BMAL1: variants seen among roughly 807,000 people sequenced by gnomAD.
The protein encoded by BMAL1 is basic helix-loop-helix ARNT like 1, also known as basic helix-loop-helix ARNT-like protein 1.
At chr11:13,304,537 C>CTGT in the BMAL1 span, among the ~76,000 whole-genome samples, 1 of 152,182 alleles carries the variant, frequency 6.6e-6, no homozygotes, top group Non-Finnish European at 1.5e-5. Context: ...ATACTTTTTT[C>CTGT]AGCACAGATG....
chr11:13,386,894 A>G, the BMAL1 span: 1 of 972,952 alleles, frequency 1.0e-6, no homozygotes, highest in Non-Finnish European at 1.4e-6. Flanking sequence ...AGAGCCATTG[A>G]TACAAGTCAA....
At chr11:13,358,426 T>C in the BMAL1 span, 90,658 of 1,542,422 alleles carry the variant, frequency 0.059, 3,141 homozygotes, top group East Asian at 0.14. Context: ...TTTCATATTG[T>C]TGTTCAGGGA....
the BMAL1 span, among the ~76,000 whole-genome samples, chr11:13,350,348 T>G: frequency 6.6e-6 from 1 of 152,204 alleles, no homozygotes; most frequent in African/African-American, 2.4e-5. Context: ...CTGTAAATGT[T>G]AATGACAAAA....
the BMAL1 span, chr11:13,354,261 C>T: frequency 1.1e-5 from 15 of 1,310,278 alleles, no homozygotes; most frequent in Admixed American, 9.3e-5. Flanking sequence ...GAGAGCTCAT[C>T]GAAATAAACA....
chr11:13,350,876 G>C, the BMAL1 span, among the ~76,000 whole-genome samples: 1 of 152,166 alleles, frequency 6.6e-6, no homozygotes, highest in Non-Finnish European at 1.5e-5. Flanking sequence ...GGTGGGAAAA[G>C]TGTTTACAAC....
chr11:13,293,486 A>G, the BMAL1 span, among the ~76,000 whole-genome samples: 5 of 152,186 alleles, frequency 3.3e-5, no homozygotes, highest in Non-Finnish European at 7.3e-5. Flanking sequence ...CTGCAGCCCC[A>G]TGGAGATGTG....
At chr11:13,339,576 C>G in the BMAL1 span, among the ~76,000 whole-genome samples, 1 of 152,160 alleles carries the variant, frequency 6.6e-6, no homozygotes. Context: ...CACACCTGGC[C>G]CTCTGACTGC....
chr11:13,351,429 A>G, the BMAL1 span, among the ~76,000 whole-genome samples: 1 of 152,156 alleles, frequency 6.6e-6, no homozygotes, highest in African/African-American at 2.4e-5. Context: ...TCTCTCTTGT[A>G]TATTCAAGTG....
the BMAL1 span, among the ~76,000 whole-genome samples, chr11:13,370,185 ATTC>A: frequency 6.6e-6 from 1 of 151,976 alleles, no homozygotes; most frequent in Non-Finnish European, 1.5e-5. Flanking sequence ...ATGAAACCAC[ATTC>A]TTCTTCCTCC....
chr11:13,381,364 A>T, the BMAL1 span: 1 of 1,029,256 alleles, frequency 9.7e-7, no homozygotes, highest in Non-Finnish European at 1.5e-6. Flanking sequence ...AATTTGGACT[A>T]CTTCCTCCTT....
At chr11:13,349,498 C>T in the BMAL1 span, among the ~76,000 whole-genome samples, 2 of 152,158 alleles carry the variant, frequency 1.3e-5, no homozygotes, top group South Asian at 2.1e-4. Context: ...GGAGTATCTC[C>T]CTCATAGAGT....
chr11:13,324,383 TC>T, the BMAL1 span, among the ~76,000 whole-genome samples: 116 of 149,378 alleles, frequency 7.8e-4, no homozygotes, highest in South Asian at 3.0e-3. Flanking sequence ...CCGCATCTTT[TC>T]TTACTGTTCC....
the BMAL1 span, among the ~76,000 whole-genome samples, chr11:13,349,765 G>A: frequency 5.9e-4 from 90 of 152,234 alleles, no homozygotes; most frequent in African/African-American, 2.1e-3. Context: ...GCTGAAGGAC[G>A]GCCAGGCAGC....
the BMAL1 span, among the ~76,000 whole-genome samples, chr11:13,279,504 G>C: frequency 1.3e-5 from 2 of 152,154 alleles, no homozygotes; most frequent in African/African-American, 4.8e-5. Context: ...TGTACCCGTT[G>C]AATCATGAGC....
chr11:13,318,142 C>T, the BMAL1 span, among the ~76,000 whole-genome samples: 14 of 152,220 alleles, frequency 9.2e-5, no homozygotes, highest in Non-Finnish European at 2.1e-4. Flanking sequence ...TTTCCATGGC[C>T]TGCTTGGCCC....
At chr11:13,381,336 A>G in the BMAL1 span, 1 of 1,338,872 alleles carries the variant, frequency 7.5e-7, no homozygotes, top group Non-Finnish European at 1.1e-6. Context: ...ATGGAATTGC[A>G]ACTGCGATTG....
At chr11:13,288,222 C>T in the BMAL1 span, among the ~76,000 whole-genome samples, 133 of 152,078 alleles carry the variant, frequency 8.7e-4, no homozygotes, top group Middle Eastern at 3.4e-3. Flanking sequence ...TCACTGAAGG[C>T]CCAAACCTGA....
chr11:13,293,995 A>G, the BMAL1 span, among the ~76,000 whole-genome samples: 1 of 152,244 alleles, frequency 6.6e-6, no homozygotes, highest in Non-Finnish European at 1.5e-5. Flanking sequence ...TTAATAGAAA[A>G]TGTAACATAA....
the BMAL1 span, chr11:13,386,834 T>C: frequency 3.9e-6 from 6 of 1,533,186 alleles, no homozygotes; most frequent in Non-Finnish European, 5.3e-6. Flanking sequence ...TGAAGCTTAC[T>C]GGATAAGGAG....
Sources: allele counts gnomAD v4.1 joint callset (sites outside exome capture counted in the v4.1 genomes callset), GRCh38; gene constraint gnomAD v4.1.1; transcripts MANE v1.5; gene names NCBI Gene and HGNC (gene_info 2026-07-23, HGNC 2026-07-21).